The following ATAT1 variants were observed in gnomAD, a reference collection of about 807,000 sequenced individuals.
ATAT1 encodes the protein alpha-tubulin N-acetyltransferase 1.
A neutral mutation model predicts 57.2 loss-of-function variants in ATAT1; 42 were observed. That is an observed-to-expected ratio of 0.73 (90% CI 0.57 to 0.95). ATAT1 has a LOEUF of 0.95. Ranked by LOEUF, ATAT1 falls within the 40% of genes least tolerant of loss-of-function variation. The pLI is 0.00. For missense variants in ATAT1, 454 were observed against 523.7 expected (o/e 0.87, Z 1.30); for synonymous variants, 168 against 187.1 (o/e 0.90, Z 0.83).
chr6:30,645,128 C>T (rs554414168), intron 10 of ATAT1, among the ~76,000 whole-genome samples: 1 of 152,300 alleles, frequency 6.6e-6, no homozygotes, highest in East Asian at 1.9e-4. Flanking sequence ...GCAACACAGT[C>T]TGTCACCCTA....
intron 6 of ATAT1, among the ~76,000 whole-genome samples, chr6:30,638,660 C>T (rs1455862912): frequency 6.6e-6 from 1 of 151,148 alleles, no homozygotes; most frequent in Non-Finnish European, 1.5e-5. Context: ...TGCAAGCTCT[C>T]CTCTTGAGTA....
At chr6:30,645,031 A>G (rs1766390106) in intron 10 of ATAT1, among the ~76,000 whole-genome samples, 1 of 152,066 alleles carries the variant, frequency 6.6e-6, no homozygotes, top group Admixed American at 6.6e-5. Flanking sequence ...TGCCTCCTGT[A>G]TTCGTCTTCC....
intron 8 of ATAT1, 173 bp downstream of exon 8, chr6:30,640,776 T>C (rs1485493781): frequency 4.3e-6 from 3 of 690,144 alleles, no homozygotes; most frequent in Non-Finnish European, 7.2e-6. Context: ...GCATTTTATA[T>C]TTGGCAAGAC....
rs772729837 is a variant in ATAT1 at position 30,627,178 on chromosome 6, C to T, written c.-26C>T. ...CGCTTGGATCTGTGACCTTTCACCC[C>T]GGGCCCAAAATGTCCCAATCAAAGG... is the stretch of plus-strand genomic sequence containing the variant. On this transcript the variant is annotated 5_prime_UTR_variant, in exon 1 of 13. Transcript: ENST00000330083. 1.2e-5 allele frequency: 19 copies of T among 1,613,674 alleles called. No homozygotes were observed. The South Asian group carries it at 2.0e-4, about 17-fold the overall frequency.
At chr6:30,640,772 T>C (rs1311743907) in intron 8 of ATAT1, 169 bp downstream of exon 8, 1 of 702,512 alleles carries the variant, frequency 1.4e-6, no homozygotes, top group African/African-American at 1.8e-5. Flanking sequence ...CAGTGCATTT[T>C]ATATTTGGCA....
At position 30,628,114 on chromosome 6, in the gene ATAT1, A is replaced by G; in HGVS notation, c.368A>G (p.His123Arg). 2 of 1,612,992 alleles carry G rather than the reference A, an allele frequency of 1.2e-6. No individual in the cohort carries two copies. Among genetic ancestry groups the G allele is most frequent in the East Asian group, 4.5e-5 (2 of 44,884 alleles). ...CATGAGTCTGTGCAACGCCATGGCC[A>G]TGGGCGAGAACTCTTCCAGTATATG... The change falls in exon 5 of 13, where the codon CAT (histidine) becomes CGT (arginine). Residue 123 changes from histidine (H) to arginine (R), a missense_variant. Physicochemically the swap from His to Arg is conservative, Grantham distance 29. Around this residue, in one of 3 missense-constraint regions of ATAT1, gnomAD observed 236 missense variants for 284.5 expected, o/e 0.83. Coordinates refer to ENST00000330083, the MANE Select transcript of ATAT1 (RefSeq NM_001031722.4).
intron 6 of ATAT1, among the ~76,000 whole-genome samples, chr6:30,638,625 G>T: frequency 6.6e-6 from 1 of 151,396 alleles, no homozygotes; most frequent in East Asian, 1.9e-4. Context: ...CCAGGCTGGA[G>T]TGCAGTGTTG....
chr6:30,637,306 T>G (rs1020282354), intron 6 of ATAT1, among the ~76,000 whole-genome samples: 2 of 152,152 alleles, frequency 1.3e-5, no homozygotes, highest in Non-Finnish European at 2.9e-5. Flanking sequence ...TTAACCAAAT[T>G]CACACAGCCA....
chr6:30,641,645 TTC>T (rs1379247328), intron 8 of ATAT1: 1 of 443,232 alleles, frequency 2.3e-6, no homozygotes, highest in Non-Finnish European at 3.0e-6. Flanking sequence ...CATATTTATT[TTC>T]TTTTTTTTTT....
In ATAT1 at chr6:30,642,831, C is replaced by CCGGGGGGCG; in HGVS notation, c.752_753insCGGGGGGCG (p.Pro251_Ala252insGlyGlyArg). The stretch of plus-strand genomic sequence containing the variant: ...AGGGCCCCTCGCCGCGCCACACCTC[C>CCGGGGGGCG]AGCCCACCCACCCCCCCGCTCCAGC... On this transcript the variant is annotated inframe_insertion, in exon 10 of 13. Coordinates refer to ENST00000330083, the MANE Select transcript of ATAT1 (RefSeq NM_001031722.4). 2 of 1,583,212 alleles carry CCGGGGGGCG rather than the reference C, an allele frequency of 1.3e-6. No individual in the cohort carries two copies. Among genetic ancestry groups the CCGGGGGGCG allele is most frequent in the Non-Finnish European group, 1.7e-6 (2 of 1,162,438 alleles).
At position 30,626,925 on chromosome 6, in the gene ATAT1, C is replaced by G. The variant is rs1187071562; in HGVS notation, c.-279C>G. Reference sequence around the variant, plus strand: ...CGATGTGGACGCGCTGTTCCCGGAGCGGATCACGGTGCTGGACCAGCACCT... The same window carrying G: ...CGATGTGGACGCGCTGTTCCCGGAGGGGATCACGGTGCTGGACCAGCACCT... On this transcript the variant is annotated 5_prime_UTR_variant, in exon 1 of 13. Transcript: ENST00000330083. 2 of 1,609,546 alleles carry G rather than the reference C, an allele frequency of 1.2e-6. No individual in the cohort carries two copies. The highest frequency in any genetic ancestry group is 2.2e-5 in the East Asian group (1 of 44,732).
Position 30,627,053 on chromosome 6 carries a change from G to T in ATAT1, c.-151G>T. ...CCGGTTCCTCTCCAAACCTGGTCCA[G>T]GCACCACGCCCCCTTCTCACTGACT... is the stretch of plus-strand genomic sequence containing the variant. On this transcript the variant is annotated 5_prime_UTR_variant, in exon 1 of 13. Coordinates refer to ENST00000330083, the MANE Select transcript of ATAT1 (RefSeq NM_001031722.4). 1 of 1,549,000 alleles carries T rather than the reference G, an allele frequency of 6.5e-7. No individual in the cohort carries two copies. Among genetic ancestry groups the T allele is most frequent in the Non-Finnish European group, 8.7e-7 (1 of 1,143,152 alleles).
Position 30,626,900 on chromosome 6 carries a change from C to G in ATAT1, c.-304C>G. 6.2e-7 allele frequency: 1 copy of G among 1,608,284 alleles called. No homozygotes were observed. The highest frequency in any genetic ancestry group is 8.5e-7 in the Non-Finnish European group (1 of 1,178,216). On this transcript the variant is annotated 5_prime_UTR_variant, in exon 1 of 13. Transcript: ENST00000330083. ...CACAATGGGCCATGGAGTTCCCGTTCGATGTGGACGCGCTGTTCCCGGAGC... is the reference window on the plus strand; with the variant it reads ...CACAATGGGCCATGGAGTTCCCGTTGGATGTGGACGCGCTGTTCCCGGAGC...
chr6:30,628,986 A>G (rs1000911920), intron 6 of ATAT1, among the ~76,000 whole-genome samples: 12 of 144,886 alleles, frequency 8.3e-5, no homozygotes, highest in Non-Finnish European at 9.1e-5. Context: ...ACTGCAGCCC[A>G]ACCTTCTGGG....
intron 10 of ATAT1, chr6:30,643,707 C>A: frequency 6.8e-7 from 1 of 1,459,886 alleles, no homozygotes; most frequent in Non-Finnish European, 9.1e-7. Flanking sequence ...CTTTCTTAGA[C>A]AGCAGGGATG....
In ATAT1 at chr6:30,645,975, G is replaced by GT. The variant is rs867400204; in HGVS notation, c.1012+2dup. The GT allele has an allele frequency of 1.3e-6, 2 of 1,588,818 alleles. No homozygotes were observed. The highest frequency in any genetic ancestry group is 1.7e-6 in the Non-Finnish European group (2 of 1,167,162). On this transcript the variant is annotated splice_donor_variant, in intron 11 of 12. Transcript: ENST00000330083. LOFTEE classifies it high-confidence loss of function. The stretch of plus-strand genomic sequence containing the variant: ...GTGAATTCCTCATCCCCCAATACAG[G>GT]TAAGTATTCACTCCTCCCTACCCTC...
At chr6:30,643,210 ATGGAGCCTAGGGACCC>A in intron 10 of ATAT1, 199 bp downstream of exon 10, 2 of 1,428,788 alleles carry the variant, frequency 1.4e-6, no homozygotes, top group South Asian at 1.5e-5. Flanking sequence ...AGGACCTTAT[ATGGAGCCTAGGGACCC>A]TGGCTTTAAT....
Position 30,642,833 on chromosome 6 carries a change from G to GGGCCCCCCCCCC in ATAT1, c.754_755insGGCCCCCCCCCC (p.Ala252delinsGlyProProProPro). 1 of 1,537,876 alleles carries GGGCCCCCCCCCC rather than the reference G, an allele frequency of 6.5e-7. No individual in the cohort carries two copies. The highest frequency in any genetic ancestry group is 8.7e-7 in the Non-Finnish European group (1 of 1,145,782). On this transcript the variant is annotated protein_altering_variant, in exon 10 of 13. Transcript: ENST00000330083. ...GGCCCCTCGCCGCGCCACACCTCCA[G>GGGCCCCCCCCCC]CCCACCCACCCCCCCGCTCCAGCAG...
chr6:30,632,268 T>TAAA lies in ATAT1; in HGVS notation c.501+3857_501+3859dup, dbSNP rs3058942. 8.5e-3 allele frequency among the ~76,000 whole-genome samples: 1,004 copies of TAAA among 117,890 alleles called. 8 individuals are homozygous for TAAA. The highest frequency in any genetic ancestry group is 0.018 in the African/African-American group (550 of 30,670). 77.3% of individuals were successfully genotyped at this position (117,890 alleles called of 152,430 possible). On this transcript the variant is annotated intron_variant, in intron 6 of 12. Transcript: ENST00000330083. ...TGGGCGACAGAGCAAGACTCCTTCT[T>TAAA]AAAAAAAAAAAAAAAAAAAAATAGC...
Sources: gnomAD v4.1 joint callset for allele counts (sites outside exome capture counted in the v4.1 genomes callset) on GRCh38, gnomAD v4.1.1 for gene constraint, gnomAD v4.1.1 regional missense constraint, MANE v1.5 for transcripts, NCBI Gene and HGNC (gene_info 2026-07-23, HGNC 2026-07-21) for gene names.